Variants in LPGAT1 observed in about 807,000 individuals in gnomAD.
The protein encoded by LPGAT1 is lysophosphatidylglycerol acyltransferase 1.
Under a neutral mutation model 47.5 loss-of-function variants are expected in LPGAT1, and 11 were observed. That is an observed-to-expected ratio of 0.23 (90% CI 0.15 to 0.38). The LOEUF (loss-of-function observed/expected upper bound fraction) is 0.38, where lower values mean the gene tolerates loss of function less well. Ranked by LOEUF, LPGAT1 falls within the 10% of genes least tolerant of loss-of-function variation. LPGAT1 has a pLI of 1.00. For synonymous variants in LPGAT1, 138 were observed against 144.2 expected (o/e 0.96, Z 0.31); for missense variants, 293 against 439.0 (o/e 0.67, Z 2.97).
At chr1:211,776,503 C>T (rs979462314) in intron 6 of LPGAT1, among the ~76,000 whole-genome samples, 1 of 151,970 alleles carries the variant, frequency 6.6e-6, no homozygotes, top group South Asian at 2.1e-4. Context: ...CTAGCCTGGG[C>T]GACAAAGTGA....
At position 211,783,239 on chromosome 1, in the gene LPGAT1, A is replaced by T; in HGVS notation, c.717T>A (p.Ala239=). The change falls in exon 5 of 8, where the codon GCT becomes GCA. Residue 239 remains alanine, a synonymous_variant. Coordinates refer to ENST00000366997, the MANE Select transcript of LPGAT1 (RefSeq NM_014873.3). ...TAAAAACCATCATACCTAATTCTTT[A>T]GCATCTCCTCCTGCTGGACTTCCAT... ...QKNGSPAGGD[A]KELDSKSKGL... is the part of the protein sequence containing the mutation. 1.2e-6 allele frequency: 2 copies of T among 1,610,174 alleles called. No homozygotes were observed. The highest frequency in any genetic ancestry group is 1.7e-6 in the Non-Finnish European group (2 of 1,176,884).
At chr1:211,777,334 T>C (rs1241593526) in intron 6 of LPGAT1, among the ~76,000 whole-genome samples, 1 of 152,192 alleles carries the variant, frequency 6.6e-6, no homozygotes, top group African/African-American at 2.4e-5. Flanking sequence ...ACCTCTCCTC[T>C]AATATTGGTT....
intron 4 of LPGAT1, among the ~76,000 whole-genome samples, chr1:211,786,898 T>A (rs115402540): frequency 6.6e-6 from 1 of 152,148 alleles, no homozygotes; most frequent in African/African-American, 2.4e-5. Context: ...ATGAAGGTAG[T>A]AGGCACTGTT....
At chr1:211,790,185 A>G (rs550210260) in intron 3 of LPGAT1, among the ~76,000 whole-genome samples, 97 of 152,228 alleles carry the variant, frequency 6.4e-4, no homozygotes, top group Middle Eastern at 3.4e-3. Context: ...ACTGCAGGAT[A>G]ATTTTGGTCC....
At position 211,745,987 on chromosome 1, in the gene LPGAT1, T is replaced by G. The variant is rs1290465171; in HGVS notation, c.*3912A>C. Reference sequence around the variant, plus strand: ...AACTCTGGAGTGAAGTCCTGTGTAATGACTTCAAAAAAAGAACAAAGAAAA... The same window carrying G: ...AACTCTGGAGTGAAGTCCTGTGTAAGGACTTCAAAAAAAGAACAAAGAAAA... On this transcript the variant is annotated 3_prime_UTR_variant, in exon 8 of 8. Transcript: ENST00000366997. The G allele has an allele frequency of 6.6e-6, 1 of 152,598 alleles. No homozygotes were observed. The highest frequency in any genetic ancestry group is 1.5e-5 in the Non-Finnish European group (1 of 68,040). 9.5% of individuals were successfully genotyped at this position (152,598 alleles called of 1,614,324 possible).
intron 5 of LPGAT1, among the ~76,000 whole-genome samples, chr1:211,781,149 C>T (rs1658626253): frequency 6.6e-6 from 1 of 152,072 alleles, no homozygotes. Flanking sequence ...ATAGGTAAAA[C>T]TAGTTTTCAA....
chr1:211,782,650 G>A (rs1435081673), intron 5 of LPGAT1, among the ~76,000 whole-genome samples: 1 of 151,948 alleles, frequency 6.6e-6, no homozygotes, highest in Non-Finnish European at 1.5e-5. Context: ...TGGGAAGATC[G>A]CTTGAGCCCA....
intron 4 of LPGAT1, 73 bp downstream of exon 4, chr1:211,787,559 T>G: frequency 2.4e-6 from 2 of 834,200 alleles, no homozygotes; most frequent in Non-Finnish European, 3.9e-6. Context: ...ATTGGTTTTG[T>G]TATACCTCTT....
At chr1:211,762,089 TG>T (rs1657723195) in intron 6 of LPGAT1, among the ~76,000 whole-genome samples, 1 of 152,222 alleles carries the variant, frequency 6.6e-6, no homozygotes, top group East Asian at 1.9e-4. Context: ...ATTTAGCTTC[TG>T]TTAATATAAA....
chr1:211,791,758 A>C lies in LPGAT1; in HGVS notation c.357+1314T>G, dbSNP rs550210788. The stretch of plus-strand genomic sequence containing the variant: ...CAAGACTCCATCTCAAAAAAAAAAA[A>C]AAAAAAACAAACAAACAAAAAAAAA... On this transcript the variant is annotated intron_variant, in intron 3 of 7. Coordinates refer to ENST00000366997, the MANE Select transcript of LPGAT1 (RefSeq NM_014873.3). 7.1e-4 allele frequency among the ~76,000 whole-genome samples: 101 copies of C among 142,796 alleles called. 2 individuals are homozygous for C. The highest frequency in any genetic ancestry group is 1.3e-3 in the Non-Finnish European group (84 of 62,680). 93.7% of individuals were successfully genotyped at this position (142,796 alleles called of 152,430 possible).
At chr1:211,771,746 C>G (rs1658183086) in intron 6 of LPGAT1, among the ~76,000 whole-genome samples, 1 of 151,994 alleles carries the variant, frequency 6.6e-6, no homozygotes, top group Non-Finnish European at 1.5e-5. Flanking sequence ...AAGGGATCTG[C>G]CTGCCTCAGG....
intron 2 of LPGAT1, among the ~76,000 whole-genome samples, chr1:211,795,888 T>C (rs1409729844): frequency 1.3e-5 from 2 of 152,190 alleles, no homozygotes; most frequent in Non-Finnish European, 2.9e-5. Context: ...TTTCAAGTAT[T>C]ATTCTAAAGT....
intron 4 of LPGAT1, among the ~76,000 whole-genome samples, chr1:211,786,795 A>C (rs1042210138): frequency 6.6e-6 from 1 of 152,172 alleles, no homozygotes; most frequent in Non-Finnish European, 1.5e-5. Context: ...TAATCTGCCT[A>C]CTAGTAATTT....
chr1:211,780,069 C>T (rs1056156718), intron 5 of LPGAT1, among the ~76,000 whole-genome samples: 34 of 142,656 alleles, frequency 2.4e-4, no homozygotes, highest in African/African-American at 8.6e-4. Flanking sequence ...CCCAGCTACT[C>T]GGGAGGCTGA....
intron 2 of LPGAT1, among the ~76,000 whole-genome samples, chr1:211,801,466 G>C (rs1271467124): frequency 2.0e-5 from 3 of 152,142 alleles, no homozygotes; most frequent in Non-Finnish European, 4.4e-5. Flanking sequence ...TGTAATCCCA[G>C]CACTAAGGCC....
chr1:211,787,364 T>C (rs1236374422), intron 4 of LPGAT1, among the ~76,000 whole-genome samples: 1 of 151,808 alleles, frequency 6.6e-6, no homozygotes, highest in African/African-American at 2.4e-5. Context: ...GTGGCATGCC[T>C]ATAGTCCCAG....
intron 2 of LPGAT1, among the ~76,000 whole-genome samples, chr1:211,817,906 C>G (rs1660233601): frequency 6.6e-6 from 1 of 152,164 alleles, no homozygotes; most frequent in Non-Finnish European, 1.5e-5. Context: ...GCGATCTCAG[C>G]TCACTGCAAC....
At chr1:211,753,433 A>T (rs185750562) in intron 6 of LPGAT1, among the ~76,000 whole-genome samples, 24 of 152,056 alleles carry the variant, frequency 1.6e-4, no homozygotes, top group Non-Finnish European at 4.4e-5. Flanking sequence ...TGTTTTATGG[A>T]GTTTTTATTT....
In LPGAT1 at chr1:211,830,405, G is replaced by T; in HGVS notation, c.-28+168C>A. 8.5e-7 allele frequency: 1 copy of T among 1,173,450 alleles called. No individual in the cohort carries two copies. The highest frequency in any genetic ancestry group is 1.1e-6 in the Non-Finnish European group (1 of 949,774). 72.7% of individuals were successfully genotyped at this position (1,173,450 alleles called of 1,614,324 possible). A position where few individuals can be genotyped will look rare whatever the true frequency, so the allele number is the denominator to read the frequency against. Reference sequence around the variant, plus strand: ...GCGGGTCCCGGGGAGGCGGGCGGATGCCCCGCGCCCCCGCCTCCTCCCCGG... The same window carrying T: ...GCGGGTCCCGGGGAGGCGGGCGGATTCCCCGCGCCCCCGCCTCCTCCCCGG... On this transcript the variant is annotated intron_variant, in intron 1 of 7. Transcript: ENST00000366997. The surrounding 1 kb of genome is among the most constrained non-coding windows in gnomAD (Gnocchi z 5.9).
Sources: gnomAD v4.1 joint callset for allele counts (sites outside exome capture counted in the v4.1 genomes callset) on GRCh38, gnomAD v4.1.1 for gene constraint, Gnocchi (gnomAD v3.1) non-coding constraint, MANE v1.5 for transcripts, NCBI Gene and HGNC (gene_info 2026-07-23, HGNC 2026-07-21) for gene names.